Variants in PCDHGA3 observed in about 807,000 individuals in gnomAD.
PCDHGA3 encodes protocadherin gamma-A3.
A neutral mutation model predicts 58.5 loss-of-function variants in PCDHGA3; 40 were observed. The ratio of observed to expected loss-of-function variants is 0.68; its 90% CI spans 0.53 to 0.89. The LOEUF is 0.89. Among genes scored for constraint, PCDHGA3 ranks in the 40% least tolerant of loss-of-function variants. PCDHGA3 has a pLI of 0.00. For missense variants in PCDHGA3, 1,223 were observed against 1,195.9 expected, an observed-to-expected ratio of 1.02 and a Z score of -0.33; for synonymous variants, 530 against 525.7, an observed-to-expected ratio of 1.01 and a Z score of -0.11.
chr5:141,395,081 A>G (rs749375075), intron 1 of PCDHGA3: 3 of 1,614,156 alleles, frequency 1.9e-6, no homozygotes, highest in South Asian at 1.1e-5. Context: ...ATTCCCAGGA[A>G]GTCTCCCTCA....
intron 1 of PCDHGA3, among the ~76,000 whole-genome samples, chr5:141,484,774 C>T (rs1269490742): frequency 6.6e-6 from 1 of 151,782 alleles, no homozygotes; most frequent in Non-Finnish European, 1.5e-5. Context: ...ATGTTGTCTG[C>T]CTCCCCACAG....
intron 1 of PCDHGA3, among the ~76,000 whole-genome samples, chr5:141,457,594 TA>T (rs1239366532): frequency 6.6e-6 from 1 of 152,250 alleles, no homozygotes; most frequent in Non-Finnish European, 1.5e-5. Flanking sequence ...TCATTTTTGG[TA>T]AAAACTAATT....
chr5:141,490,061 A>G lies in PCDHGA3; in HGVS notation c.2425-4746A>G, dbSNP rs1562135413. On this transcript the variant is annotated intron_variant, in intron 1 of 3. Transcript: ENST00000253812. This position sits in a 1 kb window ranked among gnomAD's most constrained non-coding sequence, Gnocchi z 5.4. Reference sequence around the variant, plus strand: ...GCCACTGATCCAGACGAGGGCACCAACGGCCAACTAGACTATTCTTTTGGA... The same window carrying G: ...GCCACTGATCCAGACGAGGGCACCAGCGGCCAACTAGACTATTCTTTTGGA... 1.2e-6 allele frequency: 2 copies of G among 1,614,214 alleles called. No individual in the cohort carries two copies. Among genetic ancestry groups the G allele is most frequent in the East Asian group, 2.2e-5 (1 of 44,884 alleles).
intron 1 of PCDHGA3, chr5:141,382,982 C>A (rs1778673770): frequency 6.2e-7 from 1 of 1,612,206 alleles, no homozygotes; most frequent in Non-Finnish European, 8.5e-7. Flanking sequence ...GAAGCCTGGG[C>A]AGGACGTATT....
Position 141,345,951 on chromosome 5 carries a change from C to T in PCDHGA3, c.1918C>T (p.Gln640Ter). 1.2e-6 allele frequency: 2 copies of T among 1,613,632 alleles called. No homozygotes were observed. Among genetic ancestry groups the T allele is most frequent in the Non-Finnish European group, 1.7e-6 (2 of 1,179,890 alleles). ...RALLDRDALK[Q>*]SLVVAVQDHG... ...CCTGCTGGACAGAGACGCGCTCAAG[C>T]AGAGCCTCGTGGTGGCCGTCCAGGA... Residue 640 changes from glutamine (Q) to a stop codon, truncating the protein, a stop_gained, in exon 1 of 4, where the codon CAG becomes TAG. Transcript: ENST00000253812. LOFTEE classifies it high-confidence loss of function.
intron 1 of PCDHGA3, among the ~76,000 whole-genome samples, chr5:141,347,421 C>T (rs775475714): frequency 1.3e-5 from 2 of 152,048 alleles, no homozygotes; most frequent in Non-Finnish European, 2.9e-5. Flanking sequence ...TCCCAAAGTA[C>T]TGCGATTAGA....
intron 1 of PCDHGA3, among the ~76,000 whole-genome samples, chr5:141,439,104 A>G (rs924055175): frequency 6.6e-6 from 1 of 151,676 alleles, no homozygotes; most frequent in African/African-American, 2.4e-5. Flanking sequence ...GAGGCAAGAG[A>G]ATCACTTGAA....
At position 141,493,093 on chromosome 5, in the gene PCDHGA3, A is replaced by G. The variant is rs78102761; in HGVS notation, c.2425-1714A>G. On this transcript the variant is annotated intron_variant, in intron 1 of 3. Transcript: ENST00000253812. The surrounding 1 kb of genome is among the most constrained non-coding windows in gnomAD (Gnocchi z 4.3). ...CTCCAACTCCAGGAGCTTTTATTCA[A>G]AATATATCAATGCCTAACTCTGCTC... 0.034 allele frequency among the ~76,000 whole-genome samples: 5,198 copies of G among 152,282 alleles called. 159 individuals carry two copies. Among genetic ancestry groups the G allele is most frequent in the African/African-American group, 0.079 (3,275 of 41,546 alleles).
chr5:141,375,235 T>C (rs1335648205), intron 1 of PCDHGA3: 1 of 1,613,872 alleles, frequency 6.2e-7, no homozygotes, highest in Non-Finnish European at 8.5e-7. Flanking sequence ...TGGTAACCTG[T>C]TCCATCCCGA....
intron 1 of PCDHGA3, among the ~76,000 whole-genome samples, chr5:141,358,416 G>T (rs1760910667): frequency 6.6e-6 from 1 of 152,090 alleles, no homozygotes; most frequent in South Asian, 2.1e-4. Context: ...TTCCTTGAAA[G>T]GGTATTTTCC....
intron 1 of PCDHGA3, chr5:141,373,798 T>A: frequency 3.2e-6 from 1 of 315,426 alleles, no homozygotes; most frequent in Non-Finnish European, 5.8e-6. Context: ...AATAAAATCC[T>A]CTGTGTGATA....
chr5:141,360,926 T>C, intron 1 of PCDHGA3: 1 of 1,613,986 alleles, frequency 6.2e-7, no homozygotes, highest in Non-Finnish European at 8.5e-7. Flanking sequence ...GTGCTTCAAG[T>C]GACAGCCACC....
intron 1 of PCDHGA3, among the ~76,000 whole-genome samples, chr5:141,488,118 A>G (rs1054356891): frequency 2.7e-4 from 41 of 152,190 alleles, no homozygotes; most frequent in Non-Finnish European, 2.9e-5. Context: ...AAACATAGAG[A>G]CAGCAGAAAG....
At chr5:141,446,697 C>T (rs1254994356) in intron 1 of PCDHGA3, among the ~76,000 whole-genome samples, 9 of 152,134 alleles carry the variant, frequency 5.9e-5, no homozygotes, top group Admixed American at 5.9e-4. Context: ...AGGCTGGTCT[C>T]GAACTCTGAT....
In PCDHGA3 at chr5:141,511,106, G is replaced by A. The variant is rs536900646; in HGVS notation, c.2732G>A (p.Arg911Gln). 4.6e-5 allele frequency: 75 copies of A among 1,614,196 alleles called. No individual in the cohort carries two copies. In the East Asian group the frequency reaches 5.8e-4, roughly 12 times the overall value. Reference protein sequence around the residue: ...NATLTNAAGKRDGKAPAGGNG... With the variant: ...NATLTNAAGKQDGKAPAGGNG... ...ACACTGACCAACGCAGCTGGCAAGC[G>A]GGATGGCAAGGCCCCAGCAGGTGGC... The change falls in exon 4 of 4, where the codon CGG (arginine) becomes CAG (glutamine). Residue 911 changes from arginine (R) to glutamine (Q), a missense_variant. Around this residue, in one of 3 missense-constraint regions of PCDHGA3, gnomAD observed 325 missense variants for 327.5 expected, o/e 0.99. Coordinates refer to ENST00000253812, the MANE Select transcript of PCDHGA3 (RefSeq NM_018916.4).
intron 1 of PCDHGA3, among the ~76,000 whole-genome samples, chr5:141,452,137 GT>G (rs2098734666): frequency 6.6e-6 from 1 of 152,044 alleles, no homozygotes; most frequent in Non-Finnish European, 1.5e-5. Flanking sequence ...TGGCTCATGT[GT>G]TTTTTCCAAT....
chr5:141,349,057 A>T (rs1758226786), intron 1 of PCDHGA3, among the ~76,000 whole-genome samples: 1 of 152,072 alleles, frequency 6.6e-6, no homozygotes, highest in Non-Finnish European at 1.5e-5. Context: ...AGTCGGCTGG[A>T]GCTGAGAATT....
chr5:141,426,646 T>C (rs764903298), intron 1 of PCDHGA3: 1 of 416,448 alleles, frequency 2.4e-6, no homozygotes, highest in South Asian at 1.7e-5. Flanking sequence ...ATAAATGTGA[T>C]GATAGAAGAT....
intron 2 of PCDHGA3, among the ~76,000 whole-genome samples, chr5:141,504,036 G>T (rs1472706342): frequency 6.6e-6 from 1 of 152,080 alleles, no homozygotes; most frequent in African/African-American, 2.4e-5. Flanking sequence ...ACTCATTTAG[G>T]CAACAAATAT....
Sources: allele counts gnomAD v4.1 joint callset (sites outside exome capture counted in the v4.1 genomes callset), GRCh38; gene constraint gnomAD v4.1.1; regional missense constraint gnomAD v4.1.1; non-coding constraint Gnocchi (gnomAD v3.1); transcripts MANE v1.5; gene names NCBI Gene and HGNC (gene_info 2026-07-23, HGNC 2026-07-21).